Variants in GRIP1 observed in about 807,000 individuals in gnomAD.
The protein encoded by GRIP1 is glutamate receptor-interacting protein 1.
A neutral mutation model predicts 129.9 loss-of-function variants in GRIP1; 45 were observed. That is an observed-to-expected ratio of 0.35 (90% CI 0.27 to 0.44). GRIP1 has a LOEUF of 0.44. GRIP1 is among the 20% of genes least tolerant of loss of function. The probability of loss-of-function intolerance (pLI) is 1.00; values close to 1 mark genes in which losing one functional copy is unlikely to be tolerated. For synonymous variants in GRIP1, 530 were observed against 520.8 expected, an observed-to-expected ratio of 1.02 and a Z score of -0.24; for missense variants, 1,196 against 1,396.8, an observed-to-expected ratio of 0.86 and a Z score of 2.29.
chr12:66,435,086 T>C (rs763775163), intron 13 of GRIP1, among the ~76,000 whole-genome samples: 25 of 152,208 alleles, frequency 1.6e-4, no homozygotes, highest in Non-Finnish European at 3.1e-4. Flanking sequence ...CACAAGTGTT[T>C]ACGGGCATAG....
At chr12:66,851,798 T>G (rs78927777) in intron 1 of GRIP1, among the ~76,000 whole-genome samples, 8,136 of 152,210 alleles carry the variant, frequency 0.053, 300 homozygotes, top group African/African-American at 0.1. Flanking sequence ...TCTCTGAATT[T>G]TAAAGGTGTT....
chr12:66,572,886 A>G (rs2063010986), intron 2 of GRIP1, among the ~76,000 whole-genome samples: 1 of 152,002 alleles, frequency 6.6e-6, no homozygotes, highest in Non-Finnish European at 1.5e-5. Context: ...CTATGATCTC[A>G]TATGTTTTCT....
At chr12:66,699,163 A>G (rs139903630) in intron 1 of GRIP1, among the ~76,000 whole-genome samples, 483 of 152,302 alleles carry the variant, frequency 3.2e-3, no homozygotes, top group African/African-American at 0.011. Flanking sequence ...AAACACAAGG[A>G]ACAGCCTTTA....
intron 1 of GRIP1, among the ~76,000 whole-genome samples, chr12:66,819,085 C>T (rs1349882077): frequency 6.6e-6 from 1 of 152,092 alleles, no homozygotes; most frequent in Non-Finnish European, 1.5e-5. Flanking sequence ...TTTTGTTTCC[C>T]AGTATTCCCA....
intron 1 of GRIP1, among the ~76,000 whole-genome samples, chr12:66,598,558 C>T (rs561923428): frequency 1.3e-5 from 2 of 152,180 alleles, no homozygotes; most frequent in East Asian, 3.8e-4. Flanking sequence ...CTATAAAAGT[C>T]TCCCTTTGCC....
intron 7 of GRIP1, among the ~76,000 whole-genome samples, chr12:66,512,964 T>C (rs148041899): frequency 7.2e-5 from 11 of 152,294 alleles, no homozygotes; most frequent in African/African-American, 1.9e-4. Context: ...ATATTCTTTT[T>C]AGTTATTTAT....
intron 23 of GRIP1, among the ~76,000 whole-genome samples, chr12:66,361,823 A>T (rs910193670): frequency 6.6e-6 from 1 of 151,792 alleles, no homozygotes; most frequent in Admixed American, 6.6e-5. Flanking sequence ...CAACAGATTG[A>T]CCTCCGTTCC....
chr12:66,463,179 A>G (rs1175970252), intron 8 of GRIP1, 86 bp from the exon 9 acceptor site: 4 of 1,171,252 alleles, frequency 3.4e-6, no homozygotes, highest in African/African-American at 3.1e-5. Context: ...AAAATTTCAC[A>G]GTTTTTCATT....
rs2055032334 is a variant in GRIP1 at position 66,364,723 on chromosome 12, C to T, written c.3012+6971G>A. Among the ~76,000 whole-genome samples the T allele has an allele frequency of 2.0e-5, 3 of 152,180 alleles. No homozygotes were observed. In the South Asian group the frequency reaches 6.2e-4, roughly 32 times the overall value. On this transcript the variant is annotated intron_variant, in intron 23 of 24. Transcript: ENST00000359742. ...AATATATAATGGATCACTCCTTTCA[C>T]ATGAAAAATGAAATGAGGATGGTCA...
At chr12:67,031,058 G>A (rs1592491634) in intron 1 of GRIP1, among the ~76,000 whole-genome samples, 1 of 152,112 alleles carries the variant, frequency 6.6e-6, no homozygotes, top group East Asian at 1.9e-4. Flanking sequence ...ATATCTCTTG[G>A]AGGAATGAAT....
chr12:66,614,714 A>G (rs1488792525), intron 1 of GRIP1, among the ~76,000 whole-genome samples: 1 of 152,112 alleles, frequency 6.6e-6, no homozygotes, highest in East Asian at 1.9e-4. Context: ...CAGATACCTG[A>G]CCATGGTCTA....
At chr12:67,026,696 A>G (rs765808847) in intron 1 of GRIP1, among the ~76,000 whole-genome samples, 1 of 152,218 alleles carries the variant, frequency 6.6e-6, no homozygotes, top group Non-Finnish European at 1.5e-5. Context: ...TTGAAAGCAG[A>G]AAAACATATT....
chr12:66,476,219 C>T lies in GRIP1; in HGVS notation c.725-10797G>A, dbSNP rs538583320. Among the ~76,000 whole-genome samples the T allele has an allele frequency of 6.4e-4, 98 of 152,260 alleles. 1 individual carries two copies. Among genetic ancestry groups the T allele is most frequent in the Non-Finnish European group, 5.0e-4 (34 of 68,018 alleles). ...ATCCCACAGAAATACAAAGTACCAT[C>T]AGAGAATACTATAAACACCTCTATG... On this transcript the variant is annotated intron_variant, in intron 7 of 24. Coordinates refer to ENST00000359742, the MANE Select transcript of GRIP1 (RefSeq NM_001366722.1).
intron 24 of GRIP1, among the ~76,000 whole-genome samples, chr12:66,351,645 C>G (rs890753830): frequency 3.4e-5 from 5 of 148,288 alleles, no homozygotes; most frequent in Non-Finnish European, 7.4e-5. Flanking sequence ...TCTGAACAGG[C>G]AGTTTTAATA....
chr12:66,771,894 A>G (rs2037830795), intron 1 of GRIP1, among the ~76,000 whole-genome samples: 2 of 152,212 alleles, frequency 1.3e-5, no homozygotes, highest in Admixed American at 6.5e-5. Flanking sequence ...GGTCTATAGA[A>G]AAGTTTTCAA....
At chr12:66,539,026 C>G in intron 4 of GRIP1, 52 bp downstream of exon 4, 1 of 1,508,420 alleles carries the variant, frequency 6.6e-7, no homozygotes, top group Non-Finnish European at 9.2e-7. Context: ...TAGGCATCCA[C>G]TGGGGGTCTT....
intron 23 of GRIP1, among the ~76,000 whole-genome samples, chr12:66,358,265 G>A (rs1459020264): frequency 6.6e-6 from 1 of 152,096 alleles, no homozygotes; most frequent in African/African-American, 2.4e-5. Context: ...TTTGGCCACA[G>A]GAAGTCTTTC....
intron 7 of GRIP1, among the ~76,000 whole-genome samples, chr12:66,470,997 T>G (rs1033335671): frequency 6.6e-6 from 1 of 152,184 alleles, no homozygotes. Flanking sequence ...AGAGTAATAC[T>G]TTTCATCATT....
chr12:66,347,884 T>C lies in GRIP1; in HGVS notation c.*1135A>G, dbSNP rs1404803373. 1 of 152,198 alleles carries C rather than the reference T, an allele frequency of 6.6e-6. No individual in the cohort carries two copies. Among genetic ancestry groups the C allele is most frequent in the Non-Finnish European group, 1.5e-5 (1 of 68,030 alleles). The allele number at this position is 152,198 out of a possible 1,614,324, so 9.4% of individuals were successfully genotyped here. A position where few individuals can be genotyped will look rare whatever the true frequency, so the allele number is the denominator to read the frequency against. Reference sequence around the variant, plus strand: ...TCATTTCAATATGGAGAGTCTACCATCAATATACAGATCTATTTATTTTTT... The same window carrying C: ...TCATTTCAATATGGAGAGTCTACCACCAATATACAGATCTATTTATTTTTT... On this transcript the variant is annotated 3_prime_UTR_variant, in exon 25 of 25. Coordinates refer to ENST00000359742, the MANE Select transcript of GRIP1 (RefSeq NM_001366722.1).
Sources: allele counts gnomAD v4.1 joint callset (sites outside exome capture counted in the v4.1 genomes callset), GRCh38; gene constraint gnomAD v4.1.1; transcripts MANE v1.5; gene names NCBI Gene and HGNC (gene_info 2026-07-23, HGNC 2026-07-21).